Variants in GPC6 observed in about 807,000 individuals in gnomAD.
GPC6 encodes glypican-6.
GPC6 carries 14 observed loss-of-function variants against 55.2 expected under a neutral mutation model. That is an observed-to-expected ratio of 0.25 (90% CI 0.17 to 0.40). GPC6 has a LOEUF of 0.40. Among genes scored for constraint, GPC6 ranks in the 10% least tolerant of loss-of-function variants. The pLI, the probability that GPC6 is intolerant of heterozygous loss-of-function variation, is 1.00. For missense variants in GPC6, 641 were observed against 708.5 expected, an observed-to-expected ratio of 0.90 and a Z score of 1.08; for synonymous variants, 278 against 259.6, an observed-to-expected ratio of 1.07 and a Z score of -0.68.
chr13:93,915,332 G>A (rs1877230597), intron 3 of GPC6, among the ~76,000 whole-genome samples: 1 of 152,178 alleles, frequency 6.6e-6, no homozygotes, highest in Admixed American at 6.5e-5. Flanking sequence ...ATGTAGCAAA[G>A]TGCCTTTGAG....
At chr13:93,645,391 A>C (rs1294657952) in intron 2 of GPC6, among the ~76,000 whole-genome samples, 2 of 152,174 alleles carry the variant, frequency 1.3e-5, no homozygotes, top group East Asian at 1.9e-4. Context: ...TTGTATACCA[A>C]AATGACTTCC....
intron 4 of GPC6, among the ~76,000 whole-genome samples, chr13:94,254,778 C>T (rs1891455981): frequency 6.6e-6 from 1 of 152,026 alleles, no homozygotes; most frequent in South Asian, 2.1e-4. Flanking sequence ...ACAGTGTAGT[C>T]AAATATGTAA....
intron 2 of GPC6, among the ~76,000 whole-genome samples, chr13:93,564,226 A>G (rs374540904): frequency 3.3e-5 from 5 of 152,060 alleles, no homozygotes; most frequent in East Asian, 3.9e-4. Context: ...TATTTCATTA[A>G]TATTTAACTT....
At chr13:93,240,034 T>A (rs1195334818) in intron 1 of GPC6, among the ~76,000 whole-genome samples, 3 of 152,100 alleles carry the variant, frequency 2.0e-5, no homozygotes, top group African/African-American at 4.8e-5. Flanking sequence ...TTATTGGAAC[T>A]TGTTTTGTGG....
intron 1 of GPC6, among the ~76,000 whole-genome samples, chr13:93,418,963 C>T (rs1191332092): frequency 6.6e-6 from 1 of 150,518 alleles, no homozygotes; most frequent in African/African-American, 2.5e-5. Flanking sequence ...TAGCACTATA[C>T]TGTAGTATCA....
intron 2 of GPC6, among the ~76,000 whole-genome samples, chr13:93,798,097 A>G (rs1257881466): frequency 6.6e-6 from 1 of 152,134 alleles, no homozygotes; most frequent in Non-Finnish European, 1.5e-5. Context: ...AGAGTGTGGA[A>G]GGCTTGAAAA....
At chr13:94,377,188 C>A (rs1171608491) in intron 6 of GPC6, among the ~76,000 whole-genome samples, 1 of 151,798 alleles carries the variant, frequency 6.6e-6, no homozygotes, top group African/African-American at 2.4e-5. Context: ...ACAAAAGACA[C>A]AATTGACAAA....
chr13:94,241,673 G>A (rs1891057794), intron 4 of GPC6, among the ~76,000 whole-genome samples: 1 of 152,056 alleles, frequency 6.6e-6, no homozygotes. Context: ...GGGCTAGGTT[G>A]CCTTGTTTCT....
intron 1 of GPC6, among the ~76,000 whole-genome samples, chr13:93,365,615 A>G (rs1881218368): frequency 6.6e-6 from 1 of 152,110 alleles, no homozygotes. Context: ...TACCCTCACC[A>G]TATGTGCATA....
At chr13:94,030,042 G>A (rs534270417) in intron 4 of GPC6, among the ~76,000 whole-genome samples, 6 of 143,120 alleles carry the variant, frequency 4.2e-5, no homozygotes, top group East Asian at 2.0e-4. Context: ...TTGCTCTGTC[G>A]CCCAGGCTGG....
At chr13:93,796,065 G>A (rs925715465) in intron 2 of GPC6, among the ~76,000 whole-genome samples, 9 of 151,418 alleles carry the variant, frequency 5.9e-5, no homozygotes, top group African/African-American at 1.2e-4. Flanking sequence ...GTATGGTGGC[G>A]TGTGCCTGTA....
At chr13:93,576,198 T>C (rs1215944240) in intron 2 of GPC6, among the ~76,000 whole-genome samples, 1 of 152,126 alleles carries the variant, frequency 6.6e-6, no homozygotes, top group African/African-American at 2.4e-5. Context: ...TGAATAACAT[T>C]AATTTAGGAA....
intron 4 of GPC6, among the ~76,000 whole-genome samples, chr13:94,034,154 C>G (rs1385294104): frequency 4.1e-5 from 6 of 147,430 alleles, no homozygotes; most frequent in African/African-American, 1.5e-4. Flanking sequence ...GTAATGCTGG[C>G]AGGATGCATA....
At chr13:93,432,710 T>C (rs1044880463) in intron 1 of GPC6, among the ~76,000 whole-genome samples, 3 of 152,192 alleles carry the variant, frequency 2.0e-5, no homozygotes, top group African/African-American at 7.2e-5. Context: ...TGCCTATATT[T>C]TGTGATGACA....
intron 1 of GPC6, among the ~76,000 whole-genome samples, chr13:93,471,941 C>A (rs1879137788): frequency 6.6e-6 from 1 of 152,130 alleles, no homozygotes; most frequent in African/African-American, 2.4e-5. Flanking sequence ...GGCTCTTTAT[C>A]TATGTGTTCT....
rs555549911 is a variant in GPC6, at chr13:94,183,171, C to G, written c.878-103178C>G. On this transcript the variant is annotated intron_variant, in intron 4 of 8. Transcript: ENST00000377047. ...TATCTGTTCCAAAATGTTTCATTGACCAAAACAGAAACTCTGTAACCATTA... is the reference window on the plus strand; with the variant it reads ...TATCTGTTCCAAAATGTTTCATTGAGCAAAACAGAAACTCTGTAACCATTA... Among the ~76,000 whole-genome samples the G allele has an allele frequency of 1.7e-4, 26 of 152,278 alleles. No individual in the cohort carries two copies. In the East Asian group the frequency reaches 5.0e-3, roughly 29 times the overall value.
intron 4 of GPC6, among the ~76,000 whole-genome samples, chr13:94,202,506 G>C (rs1299104055): frequency 6.6e-6 from 1 of 152,128 alleles, no homozygotes; most frequent in African/African-American, 2.4e-5. Flanking sequence ...ATCAGATCTC[G>C]TGAGACTTAT....
intron 4 of GPC6, among the ~76,000 whole-genome samples, chr13:94,127,279 G>A (rs118056812): frequency 0.047 from 7,108 of 152,164 alleles, 228 homozygotes; most frequent in Non-Finnish European, 0.072. Context: ...GCTGGAGGTG[G>A]GGCTTGTTGG....
At chr13:93,942,835 T>C (rs1210895644) in intron 3 of GPC6, among the ~76,000 whole-genome samples, 1 of 152,182 alleles carries the variant, frequency 6.6e-6, no homozygotes, top group Non-Finnish European at 1.5e-5. Flanking sequence ...AAATTAGCAG[T>C]ATAGTGATAT....
Sources: allele counts gnomAD v4.1 joint callset (sites outside exome capture counted in the v4.1 genomes callset), GRCh38; gene constraint gnomAD v4.1.1; transcripts MANE v1.5; gene names NCBI Gene and HGNC (gene_info 2026-07-23, HGNC 2026-07-21).